EPHA4: variants seen among roughly 807,000 people sequenced by gnomAD.
EPHA4 encodes the protein EPH receptor A4, also known as ephrin type-A receptor 4.
Under a neutral mutation model 108.3 loss-of-function variants are expected in EPHA4, and 19 were observed. That is an observed-to-expected ratio of 0.18 (90% CI 0.12 to 0.26). The LOEUF (loss-of-function observed/expected upper bound fraction) is 0.26, where lower values mean the gene tolerates loss of function less well. Ranked by LOEUF, EPHA4 falls within the 10% of genes least tolerant of loss-of-function variation. The pLI, the probability that EPHA4 is intolerant of heterozygous loss-of-function variation, is 1.00. For missense variants in EPHA4, 917 were observed against 1,254.0 expected (o/e 0.73, Z 4.06); for synonymous variants, 449 against 455.5 (o/e 0.99, Z 0.18).
At chr2:221,460,144 CAT>C (rs1691094734) in intron 5 of EPHA4, among the ~76,000 whole-genome samples, 1 of 152,138 alleles carries the variant, frequency 6.6e-6, no homozygotes, top group African/African-American at 2.4e-5. Flanking sequence ...CACGTTAACT[CAT>C]AGAGTATTTC....
rs1224682977 is a variant in EPHA4 at position 221,564,103 on chromosome 2, C to A, written c.451G>T (p.Asp151Tyr). ...ATGTCCACTTGGGTGAAGCTCTCAT[C>A]AGCAGCAATGGTGTCAATTTTGACA... ...QFVKIDTIAA[D>Y]ESFTQVDIGD... Residue 151 changes from aspartate (D) to tyrosine (Y), a missense_variant, in exon 3 of 18, where the codon GAT becomes TAT. Transcript: ENST00000281821. The A allele has an allele frequency of 6.2e-7, 1 of 1,614,156 alleles. No individual in the cohort carries two copies. The highest frequency in any genetic ancestry group is 1.3e-5 in the African/African-American group (1 of 75,030).
intron 6 of EPHA4, among the ~76,000 whole-genome samples, chr2:221,457,407 C>T (rs909054209): frequency 3.9e-5 from 6 of 152,092 alleles, no homozygotes; most frequent in Non-Finnish European, 8.8e-5. Flanking sequence ...GTCATCAAAA[C>T]CCACATCTTT....
At chr2:221,546,022 C>T (rs1192084652) in intron 3 of EPHA4, among the ~76,000 whole-genome samples, 3 of 152,320 alleles carry the variant, frequency 2.0e-5, no homozygotes, top group East Asian at 3.9e-4. Context: ...CAGGGCTTTA[C>T]CTGAACTTAG....
chr2:221,482,301 C>A, intron 5 of EPHA4, 51 bp downstream of exon 5: 4 of 1,428,162 alleles, frequency 2.8e-6, no homozygotes, highest in Non-Finnish European at 2.8e-6. Context: ...TATTTTAAGC[C>A]TTTTCTCTGT....
In EPHA4 at chr2:221,550,418, GGAGAGAGAGAGAGAGA is replaced by G. The variant is rs71406572; in HGVS notation, c.823+13297_823+13312del. Among the ~76,000 whole-genome samples, 601 of 135,670 alleles carry G rather than the reference GGAGAGAGAGAGAGAGA, an allele frequency of 4.4e-3. 4 individuals are homozygous for G. Among genetic ancestry groups the G allele is most frequent in the Middle Eastern group, 0.011 (3 of 274 alleles). 89.0% of individuals were successfully genotyped at this position (135,670 alleles called of 152,430 possible). On this transcript the variant is annotated intron_variant, in intron 3 of 17. Transcript: ENST00000281821. ...AGTACCAAAACCTGATGAGGAAAGG[GGAGAGAGAGAGAGAGA>G]GAGAGAGAGAGAGAGAGAGAATGTA...
chr2:221,531,923 G>A (rs530473413), intron 3 of EPHA4, among the ~76,000 whole-genome samples: 19 of 152,232 alleles, frequency 1.2e-4, no homozygotes, highest in African/African-American at 3.6e-4. Flanking sequence ...AATGAGAGAC[G>A]AAATACCTTG....
chr2:221,496,643 C>T (rs1159541265), intron 4 of EPHA4, among the ~76,000 whole-genome samples: 1 of 152,198 alleles, frequency 6.6e-6, no homozygotes, highest in Non-Finnish European at 1.5e-5. Flanking sequence ...TGTGGTGGCT[C>T]ATGCCTGTAA....
Position 221,443,034 on chromosome 2 carries a change from T to A in EPHA4, c.1889-20A>T. ...ATTCACCTTTGAGAGAGAAAAAGAA[T>A]CTACGATGGACCAGAAACACATTCA... On this transcript the variant is annotated intron_variant, in intron 10 of 17. Coordinates refer to ENST00000281821, the MANE Select transcript of EPHA4 (RefSeq NM_004438.5). 1 of 1,608,284 alleles carries A rather than the reference T, an allele frequency of 6.2e-7. No individual in the cohort carries two copies. The highest frequency in any genetic ancestry group is 1.7e-4 in the Middle Eastern group (1 of 5,930).
At chr2:221,453,171 C>T (rs1453370622) in intron 8 of EPHA4, among the ~76,000 whole-genome samples, 1 of 152,198 alleles carries the variant, frequency 6.6e-6, no homozygotes, top group African/African-American at 2.4e-5. Flanking sequence ...GCAAGGCCTA[C>T]TTTCTGCAGA....
chr2:221,532,313 G>A, intron 3 of EPHA4, among the ~76,000 whole-genome samples: 1 of 151,950 alleles, frequency 6.6e-6, no homozygotes, highest in East Asian at 1.9e-4. Flanking sequence ...AGTAGAGACG[G>A]GGTTTCACCA....
intron 11 of EPHA4, among the ~76,000 whole-genome samples, chr2:221,441,201 T>C (rs1326582538): frequency 2.7e-5 from 4 of 148,878 alleles, no homozygotes; most frequent in East Asian, 3.9e-4. Flanking sequence ...TCTTTTCTTT[T>C]TTTTTTTTTT....
chr2:221,533,969 C>G (rs1322421283), intron 3 of EPHA4, among the ~76,000 whole-genome samples: 2 of 152,136 alleles, frequency 1.3e-5, no homozygotes, highest in East Asian at 3.9e-4. Context: ...TTTCCCACAT[C>G]TGCGTGACAC....
intron 15 of EPHA4, among the ~76,000 whole-genome samples, chr2:221,429,475 G>C (rs1167428319): frequency 6.6e-6 from 1 of 152,150 alleles, no homozygotes; most frequent in Non-Finnish European, 1.5e-5. Flanking sequence ...TCAGAAAAGG[G>C]AAACCAGAAG....
At chr2:221,517,361 G>A (rs1381408261) in intron 3 of EPHA4, among the ~76,000 whole-genome samples, 1 of 152,186 alleles carries the variant, frequency 6.6e-6, no homozygotes, top group African/African-American at 2.4e-5. Flanking sequence ...TGGTCATCCT[G>A]AGCCCACAGG....
intron 8 of EPHA4, among the ~76,000 whole-genome samples, chr2:221,447,821 TTTTATTTA>T (rs56796398): frequency 2.7e-5 from 4 of 147,560 alleles, no homozygotes; most frequent in African/African-American, 7.5e-5. Context: ...AAGGGTCTAT[TTTTATTTA>T]TTTATTTATT....
intron 3 of EPHA4, among the ~76,000 whole-genome samples, chr2:221,522,748 TATTATTA>T (rs1559278028): frequency 1.2e-4 from 4 of 32,478 alleles, no homozygotes; most frequent in Admixed American, 2.9e-4. Flanking sequence ...TTATTATTAT[TATTATTA>T]TTATTATTAT....
chr2:221,461,683 T>C (rs962387437), intron 5 of EPHA4, among the ~76,000 whole-genome samples: 2 of 152,186 alleles, frequency 1.3e-5, no homozygotes, highest in African/African-American at 2.4e-5. Context: ...AAATAATTGT[T>C]GGTATCAGAC....
intron 5 of EPHA4, among the ~76,000 whole-genome samples, chr2:221,472,625 G>C (rs1233518719): frequency 6.6e-6 from 1 of 151,766 alleles, no homozygotes; most frequent in Non-Finnish European, 1.5e-5. Flanking sequence ...TTTTTTGAAA[G>C]TGATAAACAA....
chr2:221,572,140 A>G lies in EPHA4; in HGVS notation c.91+18T>C, dbSNP rs1382573756. ...CCCCTCGCTGTCCCCGACCACAGAA[A>G]GGCCGTCCCGCTCTTACCTTCATTC... On this transcript the variant is annotated intron_variant, in intron 1 of 17. Transcript: ENST00000281821. 3 of 1,609,784 alleles carry G rather than the reference A, an allele frequency of 1.9e-6. No homozygotes were observed. The Admixed American group carries it at 5.0e-5, about 27-fold the overall frequency.
Sources: gnomAD v4.1 joint callset for allele counts (sites outside exome capture counted in the v4.1 genomes callset) on GRCh38, gnomAD v4.1.1 for gene constraint, MANE v1.5 for transcripts, NCBI Gene and HGNC (gene_info 2026-07-23, HGNC 2026-07-21) for gene names.